Variants in NAT1 observed in about 807,000 individuals in gnomAD.
NAT1 encodes the protein arylamine N-acetyltransferase 1.
For missense variants in NAT1, 400 were observed against 339.2 expected (o/e 1.18, Z -1.41); for synonymous variants, 144 against 122.6 (o/e 1.17, Z -1.16).
In NAT1 at chr8:18,199,701, A is replaced by T. The variant is rs148583168; in HGVS notation, n.93-10080A>T. On this transcript the variant is annotated intron_variant and non_coding_transcript_variant, in intron 2 of 4. Transcript: ENST00000517441. The stretch of plus-strand genomic sequence containing the variant: ...ACCTTTGAGTGTGTGATGGCTGATA[A>T]GTCACTGGTGACGGCTGCAGTTTTG... Among the ~76,000 whole-genome samples, 941 of 152,298 alleles carry T rather than the reference A, an allele frequency of 6.2e-3. 20 individuals carry two copies. Among genetic ancestry groups the T allele is most frequent in the African/African-American group, 0.021 (868 of 41,572 alleles).
At chr8:18,187,936 A>AACACACACACACACACACACACACACAC (rs35203470) in intron 2 of NAT1, among the ~76,000 whole-genome samples, 1 of 137,394 alleles carries the variant, frequency 7.3e-6, no homozygotes. Context: ...TTGTATCTTA[A>AACACACACACACACACACACACACACAC]ACACACACAC....
intron 2 of NAT1, among the ~76,000 whole-genome samples, chr8:18,173,994 TA>T (rs1802195503): frequency 6.6e-6 from 1 of 152,096 alleles, no homozygotes; most frequent in Admixed American, 6.6e-5. Context: ...TTGAGATGGA[TA>T]AAGTAAGAAA....
chr8:18,197,285 C>A (rs531427757), intron 2 of NAT1, among the ~76,000 whole-genome samples: 1 of 152,042 alleles, frequency 6.6e-6, no homozygotes, highest in Non-Finnish European at 1.5e-5. Flanking sequence ...TTTTGTGACA[C>A]AGATTTTTTT....
chr8:18,222,243 G>T lies in NAT1; in HGVS notation c.196G>T (p.Gly66Ter). The change falls in exon 3 of 3, where the codon GGA becomes TGA. Residue 66 changes from glycine to a stop codon, truncating the protein, a stop_gained. Coordinates refer to ENST00000307719, the MANE Select transcript of NAT1 (RefSeq NM_000662.8). LOFTEE classifies it low-confidence loss of function (END_TRUNC). The stretch of plus-strand genomic sequence containing the variant: ...TCAAGTTGTGAGAAGAAATCGGGGT[G>T]GATGGTGTCTCCAGGTCAATCATCT... ...FDQVVRRNRG[G>*]WCLQVNHLLY... is the part of the protein sequence containing the mutation. 2 of 1,614,080 alleles carry T rather than the reference G, an allele frequency of 1.2e-6. No individual in the cohort carries two copies. Among genetic ancestry groups the T allele is most frequent in the Non-Finnish European group, 8.5e-7 (1 of 1,180,000 alleles).
chr8:18,193,875 A>G (rs945023074), intron 2 of NAT1, among the ~76,000 whole-genome samples: 1 of 152,058 alleles, frequency 6.6e-6, no homozygotes, highest in Admixed American at 6.6e-5. Flanking sequence ...TCCTGACCTC[A>G]GGTGATCCAT....
intron 2 of NAT1, among the ~76,000 whole-genome samples, chr8:18,188,030 A>C (rs935848151): frequency 2.7e-5 from 4 of 150,360 alleles, no homozygotes; most frequent in Non-Finnish European, 5.9e-5. Flanking sequence ...CATTTTTATA[A>C]AGCTATGTTG....
At chr8:18,193,249 TA>T (rs1803089688) in intron 2 of NAT1, among the ~76,000 whole-genome samples, 1 of 149,776 alleles carries the variant, frequency 6.7e-6, no homozygotes. Context: ...GGCTAATTTT[TA>T]AAAATTTTTT....
intron 2 of NAT1, among the ~76,000 whole-genome samples, chr8:18,173,893 T>C (rs554144095): frequency 2.0e-5 from 3 of 152,056 alleles, no homozygotes; most frequent in Non-Finnish European, 2.9e-5. Flanking sequence ...ATTATAGTTA[T>C]AGTTTCATTG....
At chr8:18,209,344 C>T (rs1324445289), upstream of NAT1, among the ~76,000 whole-genome samples, 1 of 152,194 alleles carries the variant, frequency 6.6e-6, no homozygotes, top group African/African-American at 2.4e-5. Context: ...GTTCTCAAAA[C>T]AAAGAAATGA....
intron 2 of NAT1, among the ~76,000 whole-genome samples, chr8:18,174,440 G>A (rs983063424): frequency 6.6e-6 from 1 of 152,064 alleles, no homozygotes; most frequent in African/African-American, 2.4e-5. Flanking sequence ...AGTTCCTACT[G>A]TTTTCTAGCT....
Position 18,213,320 on chromosome 8 carries a change from C to G in NAT1, c.-86+3140C>G, listed in dbSNP as rs190901954. On this transcript the variant is annotated intron_variant, in intron 1 of 2. Coordinates refer to ENST00000307719, the MANE Select transcript of NAT1 (RefSeq NM_000662.8). The stretch of plus-strand genomic sequence containing the variant: ...GAATGCACTCTCCAATTACCTTCAA[C>G]TGCTACCTCTCCTTATTTTATTATA... 1.8e-3 allele frequency among the ~76,000 whole-genome samples: 279 copies of G among 152,164 alleles called. 2 individuals are homozygous for G. The highest frequency in any genetic ancestry group is 6.4e-3 in the African/African-American group (264 of 41,508).
In NAT1 at chr8:18,222,191, G is replaced by A. The variant is rs769023535; in HGVS notation, c.144G>A (p.Met48Ile). Residue 48 changes from methionine to isoleucine, a missense_variant, in exon 3 of 3, where the codon ATG becomes ATA. Coordinates refer to ENST00000307719, the MANE Select transcript of NAT1 (RefSeq NM_000662.8). ...ENLNIHCGDA[M>I]DLGLEAIFDQ... is the part of the protein sequence containing the mutation. The stretch of plus-strand genomic sequence containing the variant: ...TTAACATCCATTGTGGGGATGCCAT[G>A]GACTTAGGCTTAGAGGCCATTTTTG... 1.2e-6 allele frequency: 2 copies of A among 1,614,154 alleles called. No homozygotes were observed. The highest frequency in any genetic ancestry group is 1.1e-5 in the South Asian group (1 of 91,082).
In NAT1 at chr8:18,222,920, G is replaced by C. The variant is rs1805502279; in HGVS notation, c.873G>C (p.Ter291TyrextTer4). 4.5e-6 allele frequency: 7 copies of C among 1,539,580 alleles called. No individual in the cohort carries two copies. The East Asian group carries it at 1.6e-4, about 35-fold the overall frequency. ...PKHGDRFFTI[*>Y] ...ATGGTGATAGATTTTTTACTATTTA[G>C]AATAAGGAGTAAAACAATCTTGTCT... The change falls in exon 3 of 3, where the codon TAG (stop) becomes TAC (tyrosine). Residue 291 changes from the stop codon to tyrosine (Y), a stop_lost. Transcript: ENST00000307719.
intron 2 of NAT1, 78 bp downstream of exon 2, chr8:18,219,567 T>C: frequency 4.1e-6 from 3 of 733,042 alleles, no homozygotes; most frequent in Non-Finnish European, 6.8e-6. Context: ...CTTATATTTA[T>C]GATCAAGATG....
At position 18,222,222 on chromosome 8, in the gene NAT1, G is replaced by A; in HGVS notation, c.175G>A (p.Val59Ile). The change falls in exon 3 of 3, where the codon GTT becomes ATT. Residue 59 changes from valine to isoleucine, a missense_variant. Physicochemically the swap from Val to Ile is conservative, Grantham distance 29 (BLOSUM62 3). Transcript: ENST00000307719. Reference sequence around the variant, plus strand: ...AGGCTTAGAGGCCATTTTTGATCAAGTTGTGAGAAGAAATCGGGGTGGATG... The same window carrying A: ...AGGCTTAGAGGCCATTTTTGATCAAATTGTGAGAAGAAATCGGGGTGGATG... ...DLGLEAIFDQ[V>I]VRRNRGGWCL... 1.2e-6 allele frequency: 2 copies of A among 1,614,094 alleles called. No homozygotes were observed. Among genetic ancestry groups the A allele is most frequent in the South Asian group, 2.2e-5 (2 of 91,078 alleles).
At chr8:18,210,281 T>G (rs1803948216) in intron 1 of NAT1, 101 bp downstream of exon 1, 1 of 152,162 alleles carries the variant, frequency 6.6e-6, no homozygotes, top group African/African-American at 2.4e-5. Flanking sequence ...ATTTCAAGTA[T>G]AAGGTTGCTC....
intron 1 of NAT1, among the ~76,000 whole-genome samples, chr8:18,213,969 G>C (rs555121443): frequency 2.6e-5 from 4 of 152,018 alleles, no homozygotes; most frequent in Non-Finnish European, 5.9e-5. Flanking sequence ...ACCTGCCATT[G>C]TGCCTGGCTA....
intron 2 of NAT1, among the ~76,000 whole-genome samples, chr8:18,190,875 T>A (rs763971915): frequency 1.6e-4 from 25 of 152,104 alleles, no homozygotes; most frequent in Non-Finnish European, 3.1e-4. Context: ...CAGACCAGCC[T>A]GGCCAACACA....
rs369543146 is a variant in NAT1 at position 18,176,608 on chromosome 8, G to GTTTTTT, written n.92+5874_92+5875insTTTTTT. ...CCATGCTGTTTTTTTGTTTTGTTTT[G>GTTTTTT]TTTTTACAATACATTCATAATATTT... On this transcript the variant is annotated intron_variant and non_coding_transcript_variant, in intron 2 of 4. Coordinates refer to the NAT1 transcript ENST00000517441. Among the ~76,000 whole-genome samples the GTTTTTT allele has an allele frequency of 1.9e-4, 29 of 150,122 alleles. 1 individual carries two copies. The highest frequency in any genetic ancestry group is 3.9e-4 in the East Asian group (2 of 5,092).
Sources: allele counts gnomAD v4.1 joint callset (sites outside exome capture counted in the v4.1 genomes callset), GRCh38; gene constraint gnomAD v4.1.1; transcripts MANE v1.5; gene names NCBI Gene and HGNC (gene_info 2026-07-23, HGNC 2026-07-21).